The following QTGAL variants were observed in gnomAD, a reference collection of about 807,000 sequenced individuals.
QTGAL encodes the protein queuosine-tRNA galactosyltransferase.
At chr17:82,961,061 G>A in the QTGAL span, 2 of 1,609,248 alleles carry the variant, frequency 1.2e-6, no homozygotes, top group East Asian at 2.2e-5. Flanking sequence ...ACTCACTCGA[G>A]GACGCAGTGC....
the QTGAL span, chr17:82,960,957 C>T: frequency 6.9e-7 from 1 of 1,458,602 alleles, no homozygotes; most frequent in Non-Finnish European, 9.1e-7. Flanking sequence ...AGCCTGACCA[C>T]AGCCTCTGGG....
chr17:82,954,848 C>G, the QTGAL span, among the ~76,000 whole-genome samples: 1 of 152,224 alleles, frequency 6.6e-6, no homozygotes, highest in Non-Finnish European at 1.5e-5. Flanking sequence ...ACCATCTGAT[C>G]TTCGACAAAC....
At chr17:83,008,220 G>T in the QTGAL span, among the ~76,000 whole-genome samples, 1 of 152,222 alleles carries the variant, frequency 6.6e-6, no homozygotes, top group Non-Finnish European at 1.5e-5. Context: ...CCTGTGCGCT[G>T]GCCTGAGAGG....
At chr17:82,972,720 A>G in the QTGAL span, among the ~76,000 whole-genome samples, 4 of 113,722 alleles carry the variant, frequency 3.5e-5, no homozygotes, top group South Asian at 3.2e-4. Flanking sequence ...AGGACCTGGT[A>G]CTGACCACAC....
At chr17:82,958,908 CTGTG>C in the QTGAL span, among the ~76,000 whole-genome samples, 19 of 64,252 alleles carry the variant, frequency 3.0e-4, 1 homozygote, top group African/African-American at 1.5e-3. Flanking sequence ...TGTGTGTATA[CTGTG>C]TGGGGGTGTA....
the QTGAL span, among the ~76,000 whole-genome samples, chr17:83,043,261 C>T: frequency 6.6e-6 from 1 of 152,202 alleles, no homozygotes; most frequent in South Asian, 2.1e-4. Context: ...GGACAGGTGA[C>T]ACGTCCGGCC....
chr17:83,018,006 C>T, the QTGAL span, among the ~76,000 whole-genome samples: 2 of 129,506 alleles, frequency 1.5e-5, no homozygotes, highest in African/African-American at 2.9e-5. Context: ...TCCGTGAACA[C>T]CGTGCGCCTG....
chr17:83,014,304 C>CA, the QTGAL span: 1 of 843,134 alleles, frequency 1.2e-6, no homozygotes, highest in Non-Finnish European at 1.8e-6. Context: ...CTCCAGGGCT[C>CA]AGAGACATGC....
the QTGAL span, among the ~76,000 whole-genome samples, chr17:83,014,241 C>T: frequency 2.0e-5 from 3 of 152,232 alleles, no homozygotes; most frequent in African/African-American, 4.8e-5. Flanking sequence ...TTGCACCCTA[C>T]GAAAATAACA....
the QTGAL span, chr17:82,957,286 C>G: frequency 1.2e-6 from 2 of 1,614,042 alleles, no homozygotes; most frequent in Non-Finnish European, 1.7e-6. Context: ...CTGGACAGGC[C>G]GGGGCCAGGG....
chr17:82,961,361 C>A, the QTGAL span: 7 of 369,218 alleles, frequency 1.9e-5, no homozygotes, highest in East Asian at 8.2e-5. Flanking sequence ...CAGACGTGAG[C>A]AACCGAGCTT....
the QTGAL span, among the ~76,000 whole-genome samples, chr17:83,007,962 C>T: frequency 5.9e-5 from 9 of 152,016 alleles, no homozygotes; most frequent in South Asian, 6.2e-4. Context: ...AGTAGGAAGG[C>T]GTGGATTCCA....
At chr17:83,005,535 A>T in the QTGAL span, 3 of 699,926 alleles carry the variant, frequency 4.3e-6, no homozygotes, top group East Asian at 8.1e-5. This position sits in a 1 kb window ranked among gnomAD's most constrained non-coding sequence, Gnocchi z 5.6. Context: ...ACTCAAATCA[A>T]ATGGCCCATA....
At chr17:82,973,855 GGCT>G in the QTGAL span, among the ~76,000 whole-genome samples, 654 of 152,302 alleles carry the variant, frequency 4.3e-3, 3 homozygotes, top group African/African-American at 0.015. Context: ...ATGGCGCTGG[GGCT>G]GCTAAGAGAT....
At chr17:83,018,072 G>A in the QTGAL span, among the ~76,000 whole-genome samples, 6 of 146,600 alleles carry the variant, frequency 4.1e-5, no homozygotes, top group Admixed American at 2.0e-4. Flanking sequence ...GGTACCACAC[G>A]TGCTCCGTGA....
the QTGAL span, among the ~76,000 whole-genome samples, chr17:83,025,170 TCCACACACGGACACC>T: frequency 1.2e-5 from 1 of 80,054 alleles, no homozygotes; most frequent in Admixed American, 1.1e-4. Flanking sequence ...CACCGCGGAG[TCCACACACGGACACC>T]GCGGAGAGTC....
chr17:82,994,747 T>A, the QTGAL span, among the ~76,000 whole-genome samples: 1 of 152,154 alleles, frequency 6.6e-6, no homozygotes, highest in African/African-American at 2.4e-5. Context: ...CATAAAAAAA[T>A]TAAAACTATA....
chr17:83,036,556 T>C, the QTGAL span, among the ~76,000 whole-genome samples: 1 of 152,194 alleles, frequency 6.6e-6, no homozygotes, highest in East Asian at 1.9e-4. Flanking sequence ...ACATCACAAC[T>C]GAGCTGGAAA....
At chr17:82,959,884 A>C in the QTGAL span, among the ~76,000 whole-genome samples, 1 of 152,098 alleles carries the variant, frequency 6.6e-6, no homozygotes. Flanking sequence ...CATTTTTCAC[A>C]TTTTAAAAAG....
Sources: gnomAD v4.1 joint callset for allele counts (sites outside exome capture counted in the v4.1 genomes callset) on GRCh38, gnomAD v4.1.1 for gene constraint, Gnocchi (gnomAD v3.1) non-coding constraint, MANE v1.5 for transcripts, NCBI Gene and HGNC (gene_info 2026-07-23, HGNC 2026-07-21) for gene names.